PSMB1: variants seen among roughly 807,000 people sequenced by gnomAD.
PSMB1 encodes the protein proteasome 20S subunit beta 1, also known as proteasome subunit beta type-1.
In PSMB1, 7 loss-of-function variants were observed where a neutral mutation model predicts 25.4. The observed-to-expected ratio is 0.28, with a 90% confidence interval of 0.16 to 0.52. The LOEUF (loss-of-function observed/expected upper bound fraction) is 0.52. Ranked by LOEUF, PSMB1 falls within the 20% of genes least tolerant of loss-of-function variation. The pLI is 0.97. For missense variants in PSMB1, 284 were observed against 302.2 expected (o/e 0.94, Z 0.45); for synonymous variants, 119 against 115.0 (o/e 1.03, Z -0.22).
At chr6:170,549,140 C>T (rs17860777) in intron 1 of PSMB1, 27 bp from the exon 2 acceptor site, 41,922 of 1,392,288 alleles carry the variant, frequency 0.03, 857 homozygotes, top group Non-Finnish European at 0.032. Flanking sequence ...AAAATTAATT[C>T]TCCAGGGTGG....
Position 170,535,295 on chromosome 6 carries a change from A to C in PSMB1, c.651T>G (p.Thr217=). The change falls in exon 6 of 6, where the codon ACT becomes ACG. Residue 217 remains threonine, a synonymous_variant. Coordinates refer to ENST00000262193, the MANE Select transcript of PSMB1 (RefSeq NM_002793.4). ...CTATGCAGATCCGGAGTGCGTCCCC[A>C]GTGTACACATCTCTCTCAGCCGCAG... ...FISAAERDVY[T]GDALRICIVT... 6.2e-7 allele frequency: 1 copy of C among 1,614,106 alleles called. No homozygotes were observed. The highest frequency in any genetic ancestry group is 1.6e-4 in the Middle Eastern group (1 of 6,062).
intron 1 of PSMB1, chr6:170,550,140 C>G (rs1323536681): frequency 6.6e-6 from 1 of 152,216 alleles, no homozygotes; most frequent in Non-Finnish European, 1.5e-5. Flanking sequence ...TGGTGCCTCA[C>G]AGACGTAAGC....
intron 4 of PSMB1, among the ~76,000 whole-genome samples, chr6:170,541,065 T>C (rs1035681112): frequency 1.3e-5 from 2 of 151,982 alleles, no homozygotes; most frequent in Non-Finnish European, 2.9e-5. Flanking sequence ...CTCAAAAAGG[T>C]CCCGTTTTGT....
intron 1 of PSMB1, chr6:170,549,410 T>C: frequency 3.5e-6 from 1 of 289,038 alleles, no homozygotes; most frequent in Non-Finnish European, 6.5e-6. Context: ...AAGGTACTAC[T>C]AATACAGAAC....
At chr6:170,544,093 G>A (rs939298177) in intron 3 of PSMB1, among the ~76,000 whole-genome samples, 1 of 152,176 alleles carries the variant, frequency 6.6e-6, no homozygotes, top group African/African-American at 2.4e-5. Flanking sequence ...TACCCCTGTA[G>A]TTTGGCTCAG....
chr6:170,537,794 G>A (rs910293699), intron 4 of PSMB1, among the ~76,000 whole-genome samples: 9 of 152,176 alleles, frequency 5.9e-5, no homozygotes, highest in Middle Eastern at 3.2e-3. Context: ...GTAAGGACCC[G>A]TAAGAGAGTA....
chr6:170,543,774 C>A, intron 3 of PSMB1, 44 bp from the exon 4 acceptor site: 2 of 1,553,860 alleles, frequency 1.3e-6, no homozygotes, highest in Non-Finnish European at 1.7e-6. Flanking sequence ...AGGCAGAGGC[C>A]ATTATAGACT....
At position 170,546,119 on chromosome 6, in the gene PSMB1, A is replaced by G. The variant is rs374238394; in HGVS notation, c.287T>C (p.Ile96Thr). 10 of 1,613,504 alleles carry G rather than the reference A, an allele frequency of 6.2e-6. No individual in the cohort carries two copies. Among genetic ancestry groups the G allele is most frequent in the Non-Finnish European group, 8.5e-6 (10 of 1,179,650 alleles). ...HGDCLTLTKI[I>T]EARLKMYKHS... is the part of the protein sequence containing the mutation. ...AGCATCTACCTTTAGTCTTGCTTCA[A>G]TAATCTTTGTCAGCGTAAGACAGTC... is the stretch of plus-strand genomic sequence containing the variant. The change falls in exon 3 of 6, where the codon ATT becomes ACT. Residue 96 changes from isoleucine (I) to threonine (T), a missense_variant. By Grantham distance (89) the Ile-to-Thr change is moderately conservative. Transcript: ENST00000262193.
At chr6:170,541,120 A>C (rs1778754665) in intron 4 of PSMB1, among the ~76,000 whole-genome samples, 1 of 152,196 alleles carries the variant, frequency 6.6e-6, no homozygotes, top group African/African-American at 2.4e-5. Flanking sequence ...AAATAAGGAA[A>C]TAAATCAAGA....
At chr6:170,543,855 C>A in intron 3 of PSMB1, 125 bp from the exon 4 acceptor site, 1 of 1,004,476 alleles carries the variant, frequency 1.0e-6, no homozygotes, top group South Asian at 2.4e-5. Flanking sequence ...TGCCTATTTC[C>A]TTCATGATCA....
intron 4 of PSMB1, among the ~76,000 whole-genome samples, chr6:170,539,794 A>C (rs1583113270): frequency 6.6e-6 from 1 of 152,218 alleles, no homozygotes; most frequent in Non-Finnish European, 1.5e-5. Flanking sequence ...AAGGATGTTC[A>C]TCATAGTGTT....
At chr6:170,553,041 G>A (rs757132876) in intron 1 of PSMB1, 89 bp downstream of exon 1, 2 of 1,179,506 alleles carry the variant, frequency 1.7e-6, no homozygotes, top group South Asian at 1.4e-5. Context: ...GGAGCCCGGG[G>A]CAGCGCCATC....
chr6:170,537,595 G>A (rs1005665237), intron 4 of PSMB1, among the ~76,000 whole-genome samples: 24 of 152,184 alleles, frequency 1.6e-4, no homozygotes, highest in Non-Finnish European at 3.2e-4. Flanking sequence ...GTGTTGGTGT[G>A]TTGTTCAAGG....
At chr6:170,546,737 T>C (rs527786920) in intron 2 of PSMB1, among the ~76,000 whole-genome samples, 20 of 152,278 alleles carry the variant, frequency 1.3e-4, no homozygotes, top group Non-Finnish European at 2.5e-4. Context: ...AGTGCTGGGA[T>C]TACAGGTGTG....
chr6:170,536,454 G>A (rs1562350531), intron 5 of PSMB1: 1 of 456,694 alleles, frequency 2.2e-6, no homozygotes, highest in Admixed American at 2.3e-5. Context: ...TCCCCAAGAA[G>A]CAGGGAAAGT....
intron 4 of PSMB1, 51 bp from the exon 5 acceptor site, chr6:170,537,391 AATC>A: frequency 7.1e-7 from 1 of 1,416,150 alleles, no homozygotes; most frequent in Non-Finnish European, 9.9e-7. Context: ...CACAATCCCA[AATC>A]ATCGCAAAAA....
At chr6:170,553,050 T>G in intron 1 of PSMB1, 80 bp downstream of exon 1, 2 of 1,270,264 alleles carry the variant, frequency 1.6e-6, no homozygotes, top group Non-Finnish European at 2.2e-6. Flanking sequence ...GGCAGCGCCA[T>G]CACGGCGGTG....
chr6:170,551,875 A>G (rs77472035), intron 1 of PSMB1, among the ~76,000 whole-genome samples: 9,678 of 152,234 alleles, frequency 0.064, 1,054 homozygotes, highest in African/African-American at 0.22. Flanking sequence ...TACAAAATGC[A>G]TCTCTCTTGA....
chr6:170,547,898 A>AAAAAAAAT (rs3042442), intron 2 of PSMB1, among the ~76,000 whole-genome samples: 3 of 151,392 alleles, frequency 2.0e-5, no homozygotes, highest in Non-Finnish European at 1.5e-5. Context: ...AAAAAAAAAA[A>AAAAAAAAT]GTGCTCACTT....
Sources: gnomAD v4.1 joint callset for allele counts (sites outside exome capture counted in the v4.1 genomes callset) on GRCh38, gnomAD v4.1.1 for gene constraint, MANE v1.5 for transcripts, NCBI Gene and HGNC (gene_info 2026-07-23, HGNC 2026-07-21) for gene names.